Variants in ERI1 observed in about 807,000 individuals in gnomAD.
ERI1 encodes exoribonuclease 1, also known as 3'-5' exoribonuclease 1.
Under a neutral mutation model 39.7 loss-of-function variants are expected in ERI1, and 39 were observed. The ratio of observed to expected loss-of-function variants is 0.98; its 90% CI spans 0.76 to 1.28. The LOEUF (loss-of-function observed/expected upper bound fraction) is 1.28, where lower values mean the gene tolerates loss of function less well. ERI1 is among the 50% of genes most tolerant of loss of function. The pLI is 0.00. For missense variants in ERI1, 581 were observed against 416.9 expected (o/e 1.39, Z -3.43); for synonymous variants, 204 against 149.6 (o/e 1.36, Z -2.65).
intron 1 of ERI1, chr8:9,004,059 C>T: frequency 7.8e-7 from 1 of 1,288,738 alleles, no homozygotes; most frequent in Non-Finnish European, 1.0e-6. Flanking sequence ...ACAGTTTTTT[C>T]CCTTTTGTTC....
At chr8:9,067,011 G>A (rs1036430351) in intron 3 of ERI1, among the ~76,000 whole-genome samples, 8 of 152,150 alleles carry the variant, frequency 5.3e-5, no homozygotes, top group Non-Finnish European at 7.3e-5. Flanking sequence ...GCCTATTGCT[G>A]TGTAAACCTG....
At chr8:9,088,380 G>A (rs1799592985) in intron 3 of ERI1, 1 of 152,138 alleles carries the variant, frequency 6.6e-6, no homozygotes, top group African/African-American at 2.4e-5. Flanking sequence ...TAATGTCGCT[G>A]AAATTGCATT....
At chr8:9,075,509 T>G (rs17155175) in intron 3 of ERI1, among the ~76,000 whole-genome samples, 5,842 of 151,646 alleles carry the variant, frequency 0.039, 357 homozygotes, top group African/African-American at 0.13. Context: ...TTGCAATGCT[T>G]TATTTTCATT....
rs559245823 is a variant in ERI1 at position 9,056,349 on chromosome 8, G to A, written n.299+35885G>A. On this transcript the variant is annotated intron_variant and non_coding_transcript_variant, in intron 3 of 3. Transcript: ENST00000518663. ...TTCCCCTTATCTGTTGGGGTAAGGGGTTATACAGCATCATATTAGGACTTG... is the reference window on the plus strand; with the variant it reads ...TTCCCCTTATCTGTTGGGGTAAGGGATTATACAGCATCATATTAGGACTTG... Among the ~76,000 whole-genome samples the A allele has an allele frequency of 2.6e-4, 40 of 152,282 alleles. 1 individual carries two copies. In the South Asian group the frequency reaches 8.1e-3, roughly 31 times the overall value.
intron 6 of ERI1, among the ~76,000 whole-genome samples, chr8:9,027,732 G>A (rs113583868): frequency 1.6e-3 from 242 of 152,236 alleles, no homozygotes; most frequent in African/African-American, 4.7e-3. Flanking sequence ...TGTTGAAAAG[G>A]CTGTTGTTTT....
intron 1 of ERI1, among the ~76,000 whole-genome samples, chr8:9,003,453 C>T (rs1472866571): frequency 2.0e-5 from 3 of 152,206 alleles, no homozygotes; most frequent in East Asian, 3.9e-4. Flanking sequence ...AAACTTAATT[C>T]TGTGTTCACG....
intron 3 of ERI1, among the ~76,000 whole-genome samples, chr8:9,099,697 C>T (rs1358449038): frequency 6.6e-6 from 1 of 152,100 alleles, no homozygotes; most frequent in East Asian, 1.9e-4. Flanking sequence ...TTCTCTTTAC[C>T]ACTGTAGAGC....
chr8:9,016,237 C>T (rs1428784978), intron 3 of ERI1, 85 bp from the exon 4 acceptor site: 6 of 683,274 alleles, frequency 8.8e-6, no homozygotes, highest in Non-Finnish European at 9.5e-6. Context: ...GAAATTGCAA[C>T]CTGCTGTGAT....
chr8:9,059,604 C>G (rs531208066), intron 3 of ERI1, among the ~76,000 whole-genome samples: 3 of 151,962 alleles, frequency 2.0e-5, no homozygotes, highest in East Asian at 1.9e-4. Flanking sequence ...GGGAATAAGA[C>G]AAGGAGAAAA....
intron 3 of ERI1, among the ~76,000 whole-genome samples, chr8:9,085,231 C>T (rs1475581561): frequency 6.6e-6 from 1 of 152,134 alleles, no homozygotes; most frequent in African/African-American, 2.4e-5. Context: ...TGTTTTGAGA[C>T]TGAGTCTTGC....
At chr8:9,053,627 C>T (rs564990512) in intron 3 of ERI1, among the ~76,000 whole-genome samples, 111 of 152,266 alleles carry the variant, frequency 7.3e-4, no homozygotes, top group Middle Eastern at 3.4e-3. Flanking sequence ...CATGGAAACT[C>T]CTCAATTTAT....
At chr8:9,010,743 G>T (rs1816579927) in intron 2 of ERI1, among the ~76,000 whole-genome samples, 1 of 152,024 alleles carries the variant, frequency 6.6e-6, no homozygotes, top group South Asian at 2.1e-4. Flanking sequence ...TAATTTTTTG[G>T]AAAAATACAT....
intron 3 of ERI1, among the ~76,000 whole-genome samples, chr8:9,070,646 C>A (rs1400559698): frequency 1.3e-5 from 2 of 152,252 alleles, no homozygotes; most frequent in Non-Finnish European, 2.9e-5. Context: ...ACACAGGAGT[C>A]ATTGCTCATA....
intron 5 of ERI1, among the ~76,000 whole-genome samples, chr8:9,018,739 T>C (rs1357430450): frequency 6.6e-6 from 1 of 151,922 alleles, no homozygotes; most frequent in Non-Finnish European, 1.5e-5. Flanking sequence ...CATCCCACGC[T>C]ACCTGTTTAA....
chr8:9,008,219 A>T, intron 2 of ERI1, 71 bp downstream of exon 2: 1 of 1,251,054 alleles, frequency 8.0e-7, no homozygotes, highest in Non-Finnish European at 1.1e-6. Context: ...AAAACATTGA[A>T]ATATTAAAAA....
chr8:9,074,138 T>C (rs1799136638), intron 3 of ERI1, among the ~76,000 whole-genome samples: 1 of 151,992 alleles, frequency 6.6e-6, no homozygotes, highest in African/African-American at 2.4e-5. Flanking sequence ...TGAGACATGG[T>C]CTTGCTCTGT....
intron 3 of ERI1, among the ~76,000 whole-genome samples, chr8:9,012,182 C>G (rs1312917314): frequency 6.6e-6 from 1 of 152,122 alleles, no homozygotes; most frequent in African/African-American, 2.4e-5. Context: ...CCACTGTGGC[C>G]TAGTGTGAAC....
rs1491541889 is a variant in ERI1, at chr8:9,040,730, G to GT, written n.299+20266_299+20267insT. ...TTCATCAGTAATATAGTGTGTGTGTGGGGGGGGGGTGTGTGTTAGTTCACA... is the reference window on the plus strand; with the variant it reads ...TTCATCAGTAATATAGTGTGTGTGTGTGGGGGGGGGTGTGTGTTAGTTCACA... On this transcript the variant is annotated intron_variant and non_coding_transcript_variant, in intron 3 of 3. Transcript: ENST00000518663. Among the ~76,000 whole-genome samples the GT allele has an allele frequency of 7.3e-3, 368 of 50,418 alleles. 2 individuals carry two copies. The highest frequency in any genetic ancestry group is 0.026 in the East Asian group (56 of 2,182). 33.1% of individuals were successfully genotyped at this position (50,418 alleles called of 152,430 possible). A position where few individuals can be genotyped will look rare whatever the true frequency, so the allele number is the denominator to read the frequency against.
At chr8:9,006,007 C>T (rs186730391) in intron 1 of ERI1, among the ~76,000 whole-genome samples, 5 of 152,270 alleles carry the variant, frequency 3.3e-5, no homozygotes, top group Admixed American at 3.3e-4. Flanking sequence ...TCACTTTTCT[C>T]ATTATATGGT....
Sources: allele counts gnomAD v4.1 joint callset (sites outside exome capture counted in the v4.1 genomes callset), GRCh38; gene constraint gnomAD v4.1.1; transcripts MANE v1.5; gene names NCBI Gene and HGNC (gene_info 2026-07-23, HGNC 2026-07-21).